Variants in KCND2 observed in about 807,000 individuals in gnomAD.
KCND2 encodes the protein potassium voltage-gated channel subfamily D member 2.
Under a neutral mutation model 54.4 loss-of-function variants are expected in KCND2, and 16 were observed. The ratio of observed to expected loss-of-function variants is 0.29; its 90% confidence interval spans 0.20 to 0.45. The LOEUF is 0.45. Among genes scored for constraint, KCND2 ranks in the 20% least tolerant of loss-of-function variants. The pLI is 1.00. For missense variants in KCND2, 486 were observed against 824.2 expected (o/e 0.59, Z 5.02); for synonymous variants, 317 against 310.7 (o/e 1.02, Z -0.21).
At chr7:120,582,637 T>C (rs1331700200) in intron 1 of KCND2, among the ~76,000 whole-genome samples, 1 of 152,104 alleles carries the variant, frequency 6.6e-6, no homozygotes, top group East Asian at 1.9e-4. Context: ...TTCCATAAAG[T>C]GGGCTTTTCC....
At chr7:120,562,468 A>AT (rs1432221906) in intron 1 of KCND2, among the ~76,000 whole-genome samples, 1 of 152,218 alleles carries the variant, frequency 6.6e-6, no homozygotes, top group Non-Finnish European at 1.5e-5. Flanking sequence ...TAGAAGCATG[A>AT]TTTTGAGGTG....
intron 1 of KCND2, among the ~76,000 whole-genome samples, chr7:120,605,633 G>A (rs981528069): frequency 6.6e-6 from 1 of 152,088 alleles, no homozygotes; most frequent in Non-Finnish European, 1.5e-5. Context: ...AACTTTTTGA[G>A]GTACTTCCAA....
At chr7:120,430,348 C>G (rs1801771603) in intron 1 of KCND2, among the ~76,000 whole-genome samples, 1 of 152,064 alleles carries the variant, frequency 6.6e-6, no homozygotes, top group African/African-American at 2.4e-5. Context: ...CCGTAATTCC[C>G]TTAGAAGCCC....
chr7:120,408,829 T>C (rs1314494461), intron 1 of KCND2, among the ~76,000 whole-genome samples: 3 of 151,934 alleles, frequency 2.0e-5, no homozygotes, highest in Non-Finnish European at 4.4e-5. Flanking sequence ...AATTCCATAG[T>C]ACATATTTGA....
chr7:120,559,017 CTGTGTGTGTATG>C (rs1562872969), intron 1 of KCND2, among the ~76,000 whole-genome samples: 1 of 140,092 alleles, frequency 7.1e-6, no homozygotes, highest in African/African-American at 2.6e-5. Flanking sequence ...GTGTGTGTTT[CTGTGTGTGTATG>C]TGTGTGTGTA....
chr7:120,461,311 C>T (rs1053988052), intron 1 of KCND2, among the ~76,000 whole-genome samples: 1 of 152,322 alleles, frequency 6.6e-6, no homozygotes, highest in East Asian at 1.9e-4. Flanking sequence ...CAAGAGCAGA[C>T]ACTTTTTCAC....
rs541975896 is a variant in KCND2 at position 120,372,056 on chromosome 7, A to T, written c.1115+96309A>T. ...CTGCCACAAACATAGGAGTGCAGAT[A>T]CCTGTTGGACATACTGATTTTATTC... On this transcript the variant is annotated intron_variant, in intron 1 of 5. Coordinates refer to ENST00000331113, the MANE Select transcript of KCND2 (RefSeq NM_012281.3). Among the ~76,000 whole-genome samples the T allele has an allele frequency of 1.2e-4, 18 of 152,052 alleles. No individual in the cohort carries two copies. The East Asian group carries it at 3.5e-3, about 30-fold the overall frequency.
At chr7:120,605,376 C>A (rs936257629) in intron 1 of KCND2, among the ~76,000 whole-genome samples, 1 of 152,110 alleles carries the variant, frequency 6.6e-6, no homozygotes, top group African/African-American at 2.4e-5. Flanking sequence ...CAAGATTTAT[C>A]CATGTTATAA....
intron 1 of KCND2, among the ~76,000 whole-genome samples, chr7:120,657,103 T>C (rs569899044): frequency 9.2e-5 from 14 of 152,194 alleles, no homozygotes; most frequent in Non-Finnish European, 1.8e-4. Context: ...GAGTTATTCA[T>C]GTAGAAGAAA....
intron 1 of KCND2, among the ~76,000 whole-genome samples, chr7:120,389,661 C>T (rs1451532866): frequency 6.6e-6 from 1 of 151,634 alleles, no homozygotes; most frequent in Non-Finnish European, 1.5e-5. Flanking sequence ...ATTAGTTTTA[C>T]TCATGTTAAC....
At chr7:120,304,619 A>G (rs1799625234) in intron 1 of KCND2, among the ~76,000 whole-genome samples, 1 of 152,174 alleles carries the variant, frequency 6.6e-6, no homozygotes, top group African/African-American at 2.4e-5. Flanking sequence ...AGTTAAGGTT[A>G]AAAAGCACTG....
intron 1 of KCND2, among the ~76,000 whole-genome samples, chr7:120,663,915 C>G (rs1791895189): frequency 6.6e-6 from 1 of 152,178 alleles, no homozygotes. Context: ...AGTACTTGTG[C>G]TCAGTGATTC....
intron 1 of KCND2, among the ~76,000 whole-genome samples, chr7:120,421,149 C>T (rs1801615389): frequency 6.6e-6 from 1 of 152,178 alleles, no homozygotes; most frequent in African/African-American, 2.4e-5. Context: ...ATATGCAAGT[C>T]AAGTGCCTGC....
intron 1 of KCND2, among the ~76,000 whole-genome samples, chr7:120,587,146 A>G (rs965656284): frequency 3.3e-5 from 5 of 152,178 alleles, no homozygotes; most frequent in African/African-American, 1.2e-4. Context: ...TCACAGAGGC[A>G]AACAAAATGC....
intron 1 of KCND2, among the ~76,000 whole-genome samples, chr7:120,435,142 C>T (rs1301670617): frequency 1.3e-5 from 2 of 151,062 alleles, no homozygotes; most frequent in Non-Finnish European, 2.9e-5. Context: ...CATTCTGCCA[C>T]CCAGGCTTGA....
At chr7:120,702,319 G>A (rs965206431) in intron 1 of KCND2, among the ~76,000 whole-genome samples, 3 of 152,110 alleles carry the variant, frequency 2.0e-5, no homozygotes, top group African/African-American at 7.2e-5. Flanking sequence ...GCAGAAAAAA[G>A]GAATGCTTAT....
intron 1 of KCND2, among the ~76,000 whole-genome samples, chr7:120,678,896 A>G (rs767239196): frequency 4.6e-5 from 7 of 151,218 alleles, no homozygotes; most frequent in Non-Finnish European, 5.9e-5. Context: ...AGCTTGACCC[A>G]ATTGTGCTTG....
At chr7:120,283,949 G>T (rs1307114912) in intron 1 of KCND2, among the ~76,000 whole-genome samples, 1 of 152,100 alleles carries the variant, frequency 6.6e-6, no homozygotes, top group East Asian at 1.9e-4. Context: ...GTTTATAGCA[G>T]ATGTGTGATG....
intron 1 of KCND2, among the ~76,000 whole-genome samples, chr7:120,663,538 A>G (rs549860373): frequency 2.0e-5 from 3 of 152,188 alleles, no homozygotes; most frequent in South Asian, 2.1e-4. Context: ...ATATAACAAT[A>G]GAAATACAAG....
Sources: allele counts gnomAD v4.1 joint callset (sites outside exome capture counted in the v4.1 genomes callset), GRCh38; gene constraint gnomAD v4.1.1; transcripts MANE v1.5; gene names NCBI Gene and HGNC (gene_info 2026-07-23, HGNC 2026-07-21).